Variants in SERHL2 observed in about 807,000 individuals in gnomAD.
The protein encoded by SERHL2 is serine hydrolase-like protein 2.
A neutral mutation model predicts 25.5 loss-of-function variants in SERHL2; 29 were observed. That is an observed-to-expected ratio of 1.14 (90% confidence interval 0.85 to 1.55). The LOEUF (loss-of-function observed/expected upper bound fraction) is 1.55, where lower values mean the gene tolerates loss of function less well. Among genes scored for constraint, SERHL2 ranks in the 40% most tolerant of loss-of-function variants. The probability of loss-of-function intolerance (pLI) is 0.00; values close to 1 mark genes in which losing one functional copy is unlikely to be tolerated. For missense variants in SERHL2, 240 were observed against 252.3 expected, an observed-to-expected ratio of 0.95 and a Z score of 0.33; for synonymous variants, 95 against 103.5, an observed-to-expected ratio of 0.92 and a Z score of 0.50.
rs1924665433 is a variant in SERHL2 at position 42,574,064 on chromosome 22, C to G, written c.*9C>G. On this transcript the variant is annotated 3_prime_UTR_variant, in exon 12 of 12. Transcript: ENST00000327678. ...TCCCAGCCCAGCTGTAGCTCTGGGC[C>G]TGGAACTATGAAGACCTAGTGCTCC... 3 of 1,612,010 alleles carry G rather than the reference C, an allele frequency of 1.9e-6. No homozygotes were observed. The East Asian group carries it at 6.7e-5, about 36-fold the overall frequency.
At chr22:42,559,049 GCGCACACACACCCA>G (rs935222205) in intron 7 of SERHL2, among the ~76,000 whole-genome samples, 11 of 60,650 alleles carry the variant, frequency 1.8e-4, no homozygotes, top group Non-Finnish European at 2.7e-4. Flanking sequence ...CCACACGCAC[GCGCACACACACCCA>G]CACACACACA....
chr22:42,567,170 G>A (rs1923501051), intron 9 of SERHL2, among the ~76,000 whole-genome samples: 1 of 152,086 alleles, frequency 6.6e-6, no homozygotes, highest in Non-Finnish European at 1.5e-5. Flanking sequence ...GTCATTAGAG[G>A]TGGGGACGCT....
In SERHL2 at chr22:42,573,243, CTT is replaced by C. The variant is rs137052; in HGVS notation, c.826-676_826-675del. 8.0e-4 allele frequency: 102 copies of C among 128,118 alleles called. No homozygotes were observed. The East Asian group carries it at 0.01, about 13-fold the overall frequency. 7.9% of individuals were successfully genotyped at this position (128,118 alleles called of 1,614,324 possible). A position where few individuals can be genotyped will look rare whatever the true frequency, so the allele number is the denominator to read the frequency against. ...AGGCAGGCAAGGCCTTCCTGTCTGG[CTT>C]TTTTTTTTTTTTTTTTGAGATGGAG... On this transcript the variant is annotated intron_variant, in intron 11 of 11. Transcript: ENST00000327678.
rs768510509 is a variant in SERHL2, at chr22:42,560,177, T to TC, written c.534-3dup. On this transcript the variant is annotated splice_polypyrimidine_tract_variant and intron_variant, in intron 7 of 11. Coordinates refer to ENST00000327678, the MANE Select transcript of SERHL2 (RefSeq NM_014509.5). ...TCCAGGCACCCAGCATCCTTCTGTC[T>TC]CCCCCCAGGTTACTGAAGAGCAATA... 6.2e-6 allele frequency: 10 copies of TC among 1,606,908 alleles called. No homozygotes were observed. The highest frequency in any genetic ancestry group is 8.5e-6 in the Non-Finnish European group (10 of 1,174,146).
chr22:42,567,876 C>T (rs1445841183), intron 9 of SERHL2, among the ~76,000 whole-genome samples: 1 of 151,238 alleles, frequency 6.6e-6, no homozygotes. Flanking sequence ...ATTACAGGCA[C>T]CCACCACCAC....
intron 5 of SERHL2, 156 bp from the exon 6 acceptor site, chr22:42,556,358 G>A: frequency 3.3e-6 from 2 of 598,702 alleles, no homozygotes; most frequent in East Asian, 2.9e-5. Flanking sequence ...GTGGGGGAAG[G>A]CACACCATAG....
rs544197131 is a variant in SERHL2, at chr22:42,571,404, A to T, written c.731+201A>T. On this transcript the variant is annotated intron_variant, in intron 10 of 11. Coordinates refer to ENST00000327678, the MANE Select transcript of SERHL2 (RefSeq NM_014509.5). ...CAGAGGAGGGGAGGGCTCGGGCAGC[A>T]GGGGATGGGCCGGGGCTGTCCCATG... 2.6e-4 allele frequency: 370 copies of T among 1,397,644 alleles called. 6 individuals are homozygous for T. In the South Asian group the frequency reaches 4.1e-3, roughly 15 times the overall value. 86.6% of individuals were successfully genotyped at this position (1,397,644 alleles called of 1,614,324 possible).
chr22:42,561,211 A>G (rs1922638044), intron 8 of SERHL2, among the ~76,000 whole-genome samples: 1 of 152,070 alleles, frequency 6.6e-6, no homozygotes, highest in African/African-American at 2.4e-5. Flanking sequence ...GCAGTGGTCC[A>G]GGAAGCAGCT....
intron 9 of SERHL2, chr22:42,569,611 T>A (rs1347030266): frequency 1.3e-5 from 2 of 151,938 alleles, no homozygotes; most frequent in Non-Finnish European, 2.9e-5. Flanking sequence ...GTTCACCTTG[T>A]GCCCAGGAAG....
intron 9 of SERHL2, among the ~76,000 whole-genome samples, chr22:42,567,279 GTTTGTC>G (rs979615916): frequency 7.2e-5 from 11 of 152,074 alleles, no homozygotes; most frequent in African/African-American, 2.7e-4. Context: ...ATGTTAACGT[GTTTGTC>G]TTTGATCCGT....
intron 8 of SERHL2, chr22:42,563,440 G>C (rs758732394): frequency 2.7e-5 from 12 of 443,276 alleles, no homozygotes; most frequent in South Asian, 1.9e-4. Flanking sequence ...CTGAACTCAA[G>C]CGATCCTACT....
At chr22:42,566,391 T>G (rs559772165) in intron 9 of SERHL2, 53 bp downstream of exon 9, 2 of 1,590,168 alleles carry the variant, frequency 1.3e-6, no homozygotes, top group Admixed American at 3.3e-5. Context: ...TTAGCGTCTT[T>G]GTCGTTTTTG....
At chr22:42,567,634 G>C (rs138395559) in intron 9 of SERHL2, among the ~76,000 whole-genome samples, 1 of 151,168 alleles carries the variant, frequency 6.6e-6, no homozygotes, top group African/African-American at 2.4e-5. Flanking sequence ...ACTGCAGTTC[G>C]CAGTCCGGCC....
At chr22:42,573,802 G>A in intron 11 of SERHL2, 134 bp from the exon 12 acceptor site, 1 of 836,542 alleles carries the variant, frequency 1.2e-6, no homozygotes, top group Admixed American at 2.3e-5. Flanking sequence ...CCGAGTGTGG[G>A]GGAAACTCAC....
intron 1 of SERHL2, among the ~76,000 whole-genome samples, chr22:42,554,324 A>G (rs1738546700): frequency 6.6e-6 from 1 of 151,908 alleles, no homozygotes; most frequent in South Asian, 2.1e-4. Context: ...GCAGAGACGG[A>G]GGAGGCTGCC....
At chr22:42,562,423 G>A (rs1356917702) in intron 8 of SERHL2, among the ~76,000 whole-genome samples, 1 of 151,850 alleles carries the variant, frequency 6.6e-6, no homozygotes, top group East Asian at 1.9e-4. Flanking sequence ...CCTTCTGAGG[G>A]CTGTGAGGGA....
chr22:42,560,379 A>C, intron 8 of SERHL2, 114 bp downstream of exon 8: 22 of 750,574 alleles, frequency 2.9e-5, no homozygotes, highest in Non-Finnish European at 4.4e-5. Context: ...ACAGCATCTC[A>C]CTGAATCCCC....
At chr22:42,573,053 G>A (rs1026439101) in intron 11 of SERHL2, among the ~76,000 whole-genome samples, 19 of 151,840 alleles carry the variant, frequency 1.3e-4, no homozygotes, top group African/African-American at 4.6e-4. Flanking sequence ...CAGTGGGCGT[G>A]CTGGCTGTAG....
At position 42,571,116 on chromosome 22, in the gene SERHL2, T is replaced by C. The variant is rs1352041147; in HGVS notation, c.649-5T>C. On this transcript the variant is annotated splice_region_variant and splice_polypyrimidine_tract_variant and intron_variant, in intron 9 of 11. Coordinates refer to ENST00000327678, the MANE Select transcript of SERHL2 (RefSeq NM_014509.5). The stretch of plus-strand genomic sequence containing the variant: ...CGAGAATTCACCATGTTTTTGTCTC[T>C]GCAGGCAGAGAACAGCATTGACTTC... 6 of 1,613,356 alleles carry C rather than the reference T, an allele frequency of 3.7e-6. No individual in the cohort carries two copies. Among genetic ancestry groups the C allele is most frequent in the South Asian group, 1.1e-5 (1 of 91,072 alleles).
Sources: allele counts gnomAD v4.1 joint callset (sites outside exome capture counted in the v4.1 genomes callset), GRCh38; gene constraint gnomAD v4.1.1; transcripts MANE v1.5; gene names NCBI Gene and HGNC (gene_info 2026-07-23, HGNC 2026-07-21).